The following FURIN variants were observed in gnomAD, a reference collection of about 807,000 sequenced individuals.
FURIN encodes furin, paired basic amino acid cleaving enzyme.
FURIN carries 18 observed loss-of-function variants against 89.2 expected under a neutral mutation model. The observed-to-expected ratio is 0.20, with a 90% confidence interval of 0.14 to 0.30. FURIN has a LOEUF of 0.30. Ranked by LOEUF, FURIN falls within the 10% of genes least tolerant of loss-of-function variation. The probability of loss-of-function intolerance (pLI) is 1.00; values close to 1 mark genes in which losing one functional copy is unlikely to be tolerated. For missense variants in FURIN, 879 were observed against 1,100.5 expected (o/e 0.80, Z 2.85); for synonymous variants, 508 against 466.4 (o/e 1.09, Z -1.15).
rs1476715545 is a variant in FURIN at position 90,882,356 on chromosome 15, AG to A, written c.*479del. The stretch of plus-strand genomic sequence containing the variant: ...TCCACCCTGTCCCCCAGCTCTGGTG[AG>A]TCTTGGCGGCAGCAGCCATCATAGG... On this transcript the variant is annotated 3_prime_UTR_variant, in exon 16 of 16. Coordinates refer to ENST00000268171, the MANE Select transcript of FURIN (RefSeq NM_002569.4). 6.0e-6 allele frequency: 1 copy of A among 166,124 alleles called. No individual in the cohort carries two copies. The highest frequency in any genetic ancestry group is 2.4e-5 in the African/African-American group (1 of 41,534). 10.3% of individuals were successfully genotyped at this position (166,124 alleles called of 1,614,324 possible).
chr15:90,872,615 C>CT (rs907958460), intron 1 of FURIN, among the ~76,000 whole-genome samples: 2 of 152,186 alleles, frequency 1.3e-5, no homozygotes, highest in African/African-American at 4.8e-5. Flanking sequence ...GATTCTGTGG[C>CT]TTTTTAAAAA....
At position 90,880,724 on chromosome 15, in the gene FURIN, C is replaced by G. The variant is rs781602333; in HGVS notation, c.1590C>G (p.Asp530Glu). ...PHDYSADGFNDWAFMTTHSWD... is the reference protein window; with the variant it reads ...PHDYSADGFNEWAFMTTHSWD... Reference sequence around the variant, plus strand: ...ACTACTCCGCAGATGGGTTTAATGACTGGGCCTTCATGACAACTCATTCCT... The same window carrying G: ...ACTACTCCGCAGATGGGTTTAATGAGTGGGCCTTCATGACAACTCATTCCT... Residue 530 changes from aspartate (D) to glutamate (E), a missense_variant, in exon 14 of 16, where the codon GAC (aspartate) becomes GAG (glutamate). Transcript: ENST00000268171. 19 of 1,613,934 alleles carry G rather than the reference C, an allele frequency of 1.2e-5. No individual in the cohort carries two copies. Among genetic ancestry groups the G allele is most frequent in the Non-Finnish European group, 1.4e-5 (17 of 1,179,970 alleles).
intron 1 of FURIN, among the ~76,000 whole-genome samples, chr15:90,869,871 C>T (rs569056702): frequency 6.6e-6 from 1 of 152,358 alleles, no homozygotes; most frequent in African/African-American, 2.4e-5. Flanking sequence ...TGTTTCCCCT[C>T]AATGGAGTTC....
chr15:90,877,987 T>G, intron 7 of FURIN, 145 bp from the exon 8 acceptor site: 1 of 701,888 alleles, frequency 1.4e-6, no homozygotes, highest in South Asian at 1.9e-5. Flanking sequence ...AACAGGTAGT[T>G]GGGGGTTCAG....
chr15:90,880,846 G>A (rs1396366789), intron 14 of FURIN, 31 bp downstream of exon 14: 12 of 1,611,444 alleles, frequency 7.4e-6, no homozygotes, highest in East Asian at 4.5e-5. Context: ...GTAGGGGTAC[G>A]AGGTGGAGGG....
Position 90,881,278 on chromosome 15 carries a change from G to A in FURIN, c.1793-8G>A, listed in dbSNP as rs1379886577. 6.3e-6 allele frequency: 10 copies of A among 1,581,636 alleles called. No individual in the cohort carries two copies. Among genetic ancestry groups the A allele is most frequent in the South Asian group, 1.1e-5 (1 of 88,742 alleles). ...GACACACACTTGCCCTCTCTCCCAC[G>A]CCGGCAGTGTGCGAGGAAGGCTTCT... On this transcript the variant is annotated splice_polypyrimidine_tract_variant and splice_region_variant and intron_variant, in intron 15 of 15. Coordinates refer to ENST00000268171, the MANE Select transcript of FURIN (RefSeq NM_002569.4). The surrounding 1 kb of genome is among the most constrained non-coding windows in gnomAD (Gnocchi z 4.3).
intron 13 of FURIN, 119 bp downstream of exon 13, chr15:90,880,392 T>A: frequency 2.4e-6 from 2 of 832,786 alleles, no homozygotes; most frequent in Non-Finnish European, 3.7e-6. Flanking sequence ...GGGGCACTCT[T>A]GGCATTTTGG....
At chr15:90,878,419 G>A in intron 8 of FURIN, 115 bp downstream of exon 8, 1 of 916,726 alleles carries the variant, frequency 1.1e-6, no homozygotes, top group Non-Finnish European at 1.6e-6. Context: ...CACAAAGCAT[G>A]TTTATTGAAA....
intron 1 of FURIN, among the ~76,000 whole-genome samples, chr15:90,873,329 T>G (rs967244586): frequency 6.6e-6 from 1 of 152,156 alleles, no homozygotes; most frequent in Non-Finnish European, 1.5e-5. Flanking sequence ...ACGCCTGCTT[T>G]CTTTCCGAGT....
chr15:90,874,841 G>T (rs945389877), intron 1 of FURIN, among the ~76,000 whole-genome samples: 2 of 152,050 alleles, frequency 1.3e-5, no homozygotes, highest in African/African-American at 4.8e-5. Context: ...TATCCTTCCA[G>T]ATTTCGCTTT....
chr15:90,870,811 T>C (rs1018803824), intron 1 of FURIN, among the ~76,000 whole-genome samples: 2 of 152,176 alleles, frequency 1.3e-5, no homozygotes, highest in African/African-American at 4.8e-5. Flanking sequence ...GCAAATTATT[T>C]AAACGTTGTG....
rs2031749638 is a variant in FURIN at position 90,878,301 on chromosome 15, C to T, written c.837C>T (p.Ser279=). The part of the protein sequence containing the change: ...LAEEAFFRGV[S]QGRGGLGSIF... ...AGGAGGCCTTCTTCCGTGGGGTTAG[C>T]CAGGTGAGGTGGGGATCTGTCCAGC... The change falls in exon 8 of 16, where the codon AGC becomes AGT. Residue 279 remains serine (S), a synonymous_variant. Transcript: ENST00000268171. 6.3e-7 allele frequency: 1 copy of T among 1,589,816 alleles called. No homozygotes were observed. Among genetic ancestry groups the T allele is most frequent in the Non-Finnish European group, 8.6e-7 (1 of 1,165,728 alleles).
In FURIN at chr15:90,870,044, A is replaced by T. The variant is rs533509568; in HGVS notation, c.-160+1333A>T. 2.6e-5 allele frequency among the ~76,000 whole-genome samples: 4 copies of T among 152,258 alleles called. No individual in the cohort carries two copies. The South Asian group carries it at 8.3e-4, about 32-fold the overall frequency. ...CCCACTTTGGGACAAGGCCAACTGGACTTATCTTCCCGCTCAACTTTGAGG... is the reference window on the plus strand; with the variant it reads ...CCCACTTTGGGACAAGGCCAACTGGTCTTATCTTCCCGCTCAACTTTGAGG... On this transcript the variant is annotated intron_variant, in intron 1 of 15. Transcript: ENST00000268171.
rs777204152 is a variant in FURIN, at chr15:90,877,126, C to T, written c.502-9C>T. The T allele has an allele frequency of 2.5e-6, 4 of 1,610,612 alleles. No individual in the cohort carries two copies. The highest frequency in any genetic ancestry group is 3.4e-6 in the Non-Finnish European group (4 of 1,177,944). On this transcript the variant is annotated splice_polypyrimidine_tract_variant and intron_variant, in intron 5 of 15. Coordinates refer to ENST00000268171, the MANE Select transcript of FURIN (RefSeq NM_002569.4). ...AGCCTTCTCCTGATGGTGGCCAAAT[C>T]CTTCTTAGGATCCTGGGGCCAGTTT...
chr15:90,878,073 G>A, intron 7 of FURIN, 59 bp from the exon 8 acceptor site: 9 of 1,554,904 alleles, frequency 5.8e-6, no homozygotes, highest in Non-Finnish European at 8.0e-6. Context: ...CCTTGGGGTG[G>A]GGGCCCTGAC....
intron 9 of FURIN, among the ~76,000 whole-genome samples, chr15:90,879,215 C>T (rs917387867): frequency 1.8e-4 from 27 of 152,222 alleles, no homozygotes; most frequent in African/African-American, 5.5e-4. Flanking sequence ...TCATCTCCAC[C>T]CTCTAGTTGA....
intron 10 of FURIN, 41 bp downstream of exon 10, chr15:90,879,585 C>T (rs2031824721): frequency 1.9e-6 from 3 of 1,547,010 alleles, no homozygotes; most frequent in Non-Finnish European, 2.7e-6. Context: ...TCCCTACCAG[C>T]ACTCTCTGTA....
At chr15:90,871,272 G>C (rs928252419) in intron 1 of FURIN, among the ~76,000 whole-genome samples, 1 of 152,178 alleles carries the variant, frequency 6.6e-6, no homozygotes, top group Non-Finnish European at 1.5e-5. Context: ...TTGGTTCCGA[G>C]TTCGGGTCTC....
At position 90,881,761 on chromosome 15, in the gene FURIN, C is replaced by A. The variant is rs759992438; in HGVS notation, c.2268C>A (p.Leu756=). The change falls in exon 16 of 16, where the codon CTC becomes CTA. Residue 756 remains leucine, a synonymous_variant. Coordinates refer to ENST00000268171, the MANE Select transcript of FURIN (RefSeq NM_002569.4). The surrounding 1 kb of genome is among the most constrained non-coding windows in gnomAD (Gnocchi z 4.3). ...AGGTGTACACCATGGACCGTGGCCT[C>A]ATCTCCTACAAGGGGCTGCCCCCTG... ...GVKVYTMDRG[L]ISYKGLPPEA... 3.1e-6 allele frequency: 5 copies of A among 1,612,036 alleles called. No homozygotes were observed. Among genetic ancestry groups the A allele is most frequent in the African/African-American group, 1.3e-5 (1 of 74,836 alleles).
Sources: gnomAD v4.1 joint callset for allele counts (sites outside exome capture counted in the v4.1 genomes callset) on GRCh38, gnomAD v4.1.1 for gene constraint, Gnocchi (gnomAD v3.1) non-coding constraint, MANE v1.5 for transcripts, NCBI Gene and HGNC (gene_info 2026-07-23, HGNC 2026-07-21) for gene names.